The following VIL1 variants were observed in gnomAD, a reference collection of about 807,000 sequenced individuals.
VIL1 encodes villin-1.
VIL1 carries 86 observed loss-of-function variants against 104.0 expected under a neutral mutation model. The observed-to-expected ratio is 0.83, with a 90% confidence interval of 0.69 to 0.99. The LOEUF is 0.99. Ranked by LOEUF, VIL1 falls within the 50% of genes least tolerant of loss-of-function variation. The probability of loss-of-function intolerance (pLI) is 0.00; values close to 1 mark genes in which losing one functional copy is unlikely to be tolerated. For missense variants in VIL1, 944 were observed against 1,054.1 expected (o/e 0.90, Z 1.45); for synonymous variants, 394 against 412.6 (o/e 0.95, Z 0.55).
At chr2:218,425,494 T>G in intron 3 of VIL1, 121 bp from the exon 4 acceptor site, 2 of 947,096 alleles carry the variant, frequency 2.1e-6, no homozygotes, top group Non-Finnish European at 3.2e-6. Flanking sequence ...GCCAGCCTAG[T>G]GCACTTGCCC....
chr2:218,439,746 G>T (rs868573304), intron 18 of VIL1, among the ~76,000 whole-genome samples: 34 of 150,372 alleles, frequency 2.3e-4, no homozygotes, highest in African/African-American at 7.4e-4. Context: ...GAACCCAGGA[G>T]GCAGAGGTTG....
At chr2:218,419,272 C>G (rs77830523) in intron 1 of VIL1, 104 bp downstream of exon 1, 1 of 152,226 alleles carries the variant, frequency 6.6e-6, no homozygotes, top group Non-Finnish European at 1.5e-5. Flanking sequence ...CACCTTGGTA[C>G]GGGCTCGAAG....
chr2:218,443,987 T>G (rs997692076), intron 19 of VIL1, among the ~76,000 whole-genome samples: 1 of 150,456 alleles, frequency 6.6e-6, no homozygotes, highest in Non-Finnish European at 1.5e-5. Context: ...TTTTTTGAGA[T>G]GGGGTTTCAC....
intron 4 of VIL1, among the ~76,000 whole-genome samples, chr2:218,426,357 C>A (rs1305081184): frequency 6.6e-6 from 1 of 151,902 alleles, no homozygotes; most frequent in Admixed American, 6.6e-5. Context: ...TGGGCTCAAG[C>A]GATTCTCATG....
rs1420177153 is a variant in VIL1 at position 218,437,132 on chromosome 2, C to T, written c.1980C>T (p.Phe660=). The T allele has an allele frequency of 5.6e-6, 9 of 1,613,854 alleles. No individual in the cohort carries two copies. The East Asian group carries it at 1.1e-4, about 20-fold the overall frequency. The change falls in exon 17 of 20, where the codon TTC becomes TTT. Residue 660 remains phenylalanine, a synonymous_variant. Coordinates refer to ENST00000248444, the MANE Select transcript of VIL1 (RefSeq NM_007127.3). Reference sequence around the variant, plus strand: ...CCTGGGTTTCTCAATAGGTCTTCTTCTGGATTGGGAAACATGCCAACGAGG... The same window carrying T: ...CCTGGGTTTCTCAATAGGTCTTCTTTTGGATTGGGAAACATGCCAACGAGG... The part of the protein sequence containing the change: ...FLLDVWDQVF[F]WIGKHANEEE...
intron 7 of VIL1, 40 bp downstream of exon 7, chr2:218,429,527 C>T (rs753555984): frequency 1.2e-6 from 2 of 1,613,644 alleles, no homozygotes; most frequent in East Asian, 4.5e-5. Context: ...CTGGGGACTC[C>T]CTGGGAGAAG....
At chr2:218,424,459 A>G in intron 3 of VIL1, 108 bp downstream of exon 3, 1 of 1,217,570 alleles carries the variant, frequency 8.2e-7, no homozygotes, top group Non-Finnish European at 1.2e-6. Context: ...CTTCACCCCA[A>G]GACACAATTT....
At position 218,424,257 on chromosome 2, in the gene VIL1, G is replaced by A; in HGVS notation, c.76-20G>A. 13 of 1,612,778 alleles carry A rather than the reference G, an allele frequency of 8.1e-6. No individual in the cohort carries two copies. The highest frequency in any genetic ancestry group is 1.1e-5 in the Non-Finnish European group (13 of 1,179,020). Reference sequence around the variant, plus strand: ...CCTGGTGGTCCAGGGCAGCCCCTCTGACCCTCTTTCTCTCCTTAGGCCATG... The same window carrying A: ...CCTGGTGGTCCAGGGCAGCCCCTCTAACCCTCTTTCTCTCCTTAGGCCATG... On this transcript the variant is annotated intron_variant, in intron 2 of 19. Transcript: ENST00000248444.
intron 19 of VIL1, among the ~76,000 whole-genome samples, chr2:218,445,599 A>G (rs1689351745): frequency 6.6e-6 from 1 of 151,856 alleles, no homozygotes; most frequent in Non-Finnish European, 1.5e-5. Context: ...TTTACTAAGA[A>G]GCTGTTTAAT....
chr2:218,427,659 A>T (rs1689025807), intron 4 of VIL1, among the ~76,000 whole-genome samples: 1 of 151,874 alleles, frequency 6.6e-6, no homozygotes, highest in Non-Finnish European at 1.5e-5. Flanking sequence ...ATATATCATG[A>T]CCCTATCTTT....
chr2:218,436,778 AGAAG>A (rs1383412239), intron 16 of VIL1, 152 bp downstream of exon 16: 37 of 1,054,544 alleles, frequency 3.5e-5, no homozygotes, highest in South Asian at 9.9e-5. Context: ...AGTGTAAGAA[AGAAG>A]GAAGGTGGGG....
At chr2:218,429,024 C>T (rs190098507) in intron 6 of VIL1, among the ~76,000 whole-genome samples, 2 of 152,326 alleles carry the variant, frequency 1.3e-5, no homozygotes, top group East Asian at 1.9e-4. Flanking sequence ...CACACATTTC[C>T]CACACTGTCA....
chr2:218,445,298 G>A (rs139594081), intron 19 of VIL1, among the ~76,000 whole-genome samples: 92 of 152,266 alleles, frequency 6.0e-4, no homozygotes, highest in African/African-American at 2.0e-3. Flanking sequence ...TACCTGGGAG[G>A]GTGAGGTGGG....
chr2:218,426,654 T>G (rs893813492), intron 4 of VIL1, among the ~76,000 whole-genome samples: 4 of 151,092 alleles, frequency 2.6e-5, no homozygotes, highest in Admixed American at 1.3e-4. Context: ...CAGGCTGGAG[T>G]GCAGTGGCGC....
chr2:218,434,721 A>G lies in VIL1; in HGVS notation c.1680+16A>G, dbSNP rs756880456. The G allele has an allele frequency of 1.3e-6, 2 of 1,596,088 alleles. No homozygotes were observed. ...GTGTGGGAAGGTGTGTTCAGGGTCT[A>G]GAGGCCTCCCCATCCGCAAGTGGGT... is the stretch of plus-strand genomic sequence containing the variant. On this transcript the variant is annotated intron_variant, in intron 14 of 19. Transcript: ENST00000248444.
chr2:218,436,728 C>T (rs1284422056), intron 16 of VIL1, 102 bp downstream of exon 16: 58 of 1,414,130 alleles, frequency 4.1e-5, no homozygotes, highest in Non-Finnish European at 5.3e-5. Flanking sequence ...TTTTCTTGGC[C>T]CTTACATAAT....
At chr2:218,436,955 A>C (rs1480839061) in intron 16 of VIL1, among the ~76,000 whole-genome samples, 169 bp from the exon 17 acceptor site, 1 of 152,160 alleles carries the variant, frequency 6.6e-6, no homozygotes, top group Non-Finnish European at 1.5e-5. Flanking sequence ...CCAACCTTCT[A>C]ATTTCCCAGA....
intron 13 of VIL1, 135 bp downstream of exon 13, chr2:218,433,086 T>A: frequency 9.3e-7 from 1 of 1,073,684 alleles, no homozygotes; most frequent in South Asian, 1.6e-5. Flanking sequence ...ACCCTGGAGG[T>A]TCTATCACCT....
At chr2:218,439,865 AT>A (rs1689259339) in intron 18 of VIL1, among the ~76,000 whole-genome samples, 1 of 151,486 alleles carries the variant, frequency 6.6e-6, no homozygotes, top group South Asian at 2.1e-4. Flanking sequence ...AAAAAAATGT[AT>A]TTAGCCTTTA....
Sources: gnomAD v4.1 joint callset for allele counts (sites outside exome capture counted in the v4.1 genomes callset) on GRCh38, gnomAD v4.1.1 for gene constraint, MANE v1.5 for transcripts, NCBI Gene and HGNC (gene_info 2026-07-23, HGNC 2026-07-21) for gene names.